Variants in MDGA2 observed in about 807,000 individuals in gnomAD.
The protein encoded by MDGA2 is MAM domain-containing glycosylphosphatidylinositol anchor protein 2.
MDGA2 carries 40 observed loss-of-function variants against 117.8 expected under a neutral mutation model. The observed-to-expected ratio is 0.34, with a 90% CI of 0.26 to 0.44. The LOEUF (loss-of-function observed/expected upper bound fraction) is 0.44. Ranked by LOEUF, MDGA2 falls within the 20% of genes least tolerant of loss-of-function variation. MDGA2 has a pLI of 1.00. For synonymous variants in MDGA2, 452 were observed against 439.0 expected (o/e 1.03, Z -0.37); for missense variants, 1,123 against 1,250.6 (o/e 0.90, Z 1.54).
intron 8 of MDGA2, among the ~76,000 whole-genome samples, chr14:47,033,437 T>A (rs77812233): frequency 8.5e-5 from 13 of 152,176 alleles, no homozygotes; most frequent in Non-Finnish European, 1.3e-4. Flanking sequence ...GAATTCTGTG[T>A]TTACCAACAA....
At chr14:47,614,095 CTTT>C (rs768294746) in intron 1 of MDGA2, among the ~76,000 whole-genome samples, 3 of 101,704 alleles carry the variant, frequency 2.9e-5, no homozygotes, top group African/African-American at 7.5e-5. Context: ...TTTCTTTTTT[CTTT>C]TTTTTTTTTT....
rs994387765 is a variant in MDGA2, at chr14:47,641,541, A to T, written c.280+32976T>A. 2.0e-5 allele frequency among the ~76,000 whole-genome samples: 3 copies of T among 152,124 alleles called. No homozygotes were observed. In the South Asian group the frequency reaches 6.2e-4, roughly 31 times the overall value. ...TCCAGTGAAAGAGAGGATACCAAAAAGAAACAGCATTTGAATAGGGAGTTG... is the reference window on the plus strand; with the variant it reads ...TCCAGTGAAAGAGAGGATACCAAAATGAAACAGCATTTGAATAGGGAGTTG... On this transcript the variant is annotated intron_variant, in intron 1 of 16. Transcript: ENST00000399232.
At chr14:47,450,885 A>C (rs80262133) in intron 1 of MDGA2, among the ~76,000 whole-genome samples, 2,530 of 152,272 alleles carry the variant, frequency 0.017, 36 homozygotes, top group Middle Eastern at 0.041. Context: ...AAGGATTCAA[A>C]TTAAAAATTC....
intron 12 of MDGA2, 98 bp from the exon 13 acceptor site, chr14:46,874,298 A>C: frequency 1.9e-6 from 1 of 538,580 alleles, no homozygotes; most frequent in Non-Finnish European, 2.8e-6. Flanking sequence ...AGCAATAATA[A>C]TGCAAGATTG....
intron 1 of MDGA2, among the ~76,000 whole-genome samples, chr14:47,386,959 T>C (rs968249327): frequency 1.3e-5 from 2 of 152,176 alleles, no homozygotes; most frequent in African/African-American, 4.8e-5. Context: ...GGATTTAAAA[T>C]AGTATATATG....
chr14:47,255,964 T>C (rs1887603574), intron 2 of MDGA2, among the ~76,000 whole-genome samples: 1 of 152,022 alleles, frequency 6.6e-6, no homozygotes, highest in African/African-American at 2.4e-5. Flanking sequence ...AATTGACCCA[T>C]TTCCTGCATC....
intron 7 of MDGA2, among the ~76,000 whole-genome samples, chr14:47,050,940 T>C (rs1889437009): frequency 6.6e-6 from 1 of 151,950 alleles, no homozygotes; most frequent in Non-Finnish European, 1.5e-5. Flanking sequence ...TTGTGCCCCA[T>C]GATCAACAGA....
At chr14:47,579,889 A>C (rs1357741104) in intron 1 of MDGA2, among the ~76,000 whole-genome samples, 1 of 152,056 alleles carries the variant, frequency 6.6e-6, no homozygotes, top group Non-Finnish European at 1.5e-5. Flanking sequence ...AATCACTAAA[A>C]CTATTGGATA....
chr14:47,421,422 T>G (rs1892576472), intron 1 of MDGA2, among the ~76,000 whole-genome samples: 1 of 152,132 alleles, frequency 6.6e-6, no homozygotes, highest in Non-Finnish European at 1.5e-5. Context: ...GGTTCATGTT[T>G]TCAGAAAAAG....
chr14:47,670,304 T>C (rs2138316380), intron 1 of MDGA2, among the ~76,000 whole-genome samples: 1 of 152,322 alleles, frequency 6.6e-6, no homozygotes, highest in East Asian at 1.9e-4. Context: ...TTGAGTTGTA[T>C]TTTGTTTTTT....
intron 8 of MDGA2, among the ~76,000 whole-genome samples, chr14:46,967,808 A>G (rs10144504): frequency 0.5 from 75,940 of 151,994 alleles, 19,642 homozygotes; most frequent in Middle Eastern, 0.6. Flanking sequence ...TTTATTAATT[A>G]AGCACAGTAA....
chr14:46,914,083 G>T (rs1488184889), intron 10 of MDGA2, among the ~76,000 whole-genome samples: 1 of 152,064 alleles, frequency 6.6e-6, no homozygotes, highest in Non-Finnish European at 1.5e-5. Flanking sequence ...GTATAAAATT[G>T]TGTATTATTT....
chr14:47,650,516 T>C (rs906983710), intron 1 of MDGA2, among the ~76,000 whole-genome samples: 1 of 152,152 alleles, frequency 6.6e-6, no homozygotes, highest in African/African-American at 2.4e-5. Context: ...CCCAAAGATA[T>C]ACACATTAGG....
intron 1 of MDGA2, among the ~76,000 whole-genome samples, chr14:47,361,054 G>T (rs1288813366): frequency 6.6e-6 from 1 of 151,986 alleles, no homozygotes; most frequent in Non-Finnish European, 1.5e-5. Flanking sequence ...ATAAAAATTT[G>T]CTAGGAGAGT....
intron 6 of MDGA2, among the ~76,000 whole-genome samples, chr14:47,093,947 T>G (rs1032433512): frequency 2.0e-5 from 3 of 152,076 alleles, no homozygotes; most frequent in African/African-American, 7.2e-5. Context: ...GATTTCTATA[T>G]CTACTGTATC....
chr14:47,528,380 A>T (rs1048627337), intron 1 of MDGA2, among the ~76,000 whole-genome samples: 2 of 152,220 alleles, frequency 1.3e-5, no homozygotes, highest in Non-Finnish European at 2.9e-5. Context: ...AGTTGTTTAC[A>T]GCTCATGATA....
chr14:47,012,329 T>G (rs1475861030), intron 8 of MDGA2, among the ~76,000 whole-genome samples: 1 of 152,142 alleles, frequency 6.6e-6, no homozygotes, highest in Non-Finnish European at 1.5e-5. Context: ...GGTGCTGCAT[T>G]CTCAGAGTGA....
intron 1 of MDGA2, among the ~76,000 whole-genome samples, chr14:47,558,135 A>G (rs1348299749): frequency 6.6e-6 from 1 of 152,206 alleles, no homozygotes; most frequent in African/African-American, 2.4e-5. Context: ...ATAATGCCAG[A>G]GCACCTAGAA....
At chr14:47,142,907 T>C (rs1882784431) in intron 4 of MDGA2, among the ~76,000 whole-genome samples, 1 of 152,194 alleles carries the variant, frequency 6.6e-6, no homozygotes. Flanking sequence ...TTCTATACCT[T>C]TTAAAAAATA....
Sources: allele counts gnomAD v4.1 joint callset (sites outside exome capture counted in the v4.1 genomes callset), GRCh38; gene constraint gnomAD v4.1.1; transcripts MANE v1.5; gene names NCBI Gene and HGNC (gene_info 2026-07-23, HGNC 2026-07-21).